IL1R1: variants seen among roughly 807,000 people sequenced by gnomAD.
IL1R1 encodes the protein interleukin 1 receptor type 1, also known as interleukin-1 receptor type 1.
In IL1R1, 22 loss-of-function variants were observed where a neutral mutation model predicts 50.2. The observed-to-expected ratio is 0.44, with a 90% CI of 0.31 to 0.63. The LOEUF (loss-of-function observed/expected upper bound fraction) is 0.63. IL1R1 is among the 20% of genes least tolerant of loss of function. The pLI, the probability that IL1R1 is intolerant of heterozygous loss-of-function variation, is 0.07. For missense variants in IL1R1, 509 were observed against 676.2 expected (o/e 0.75, Z 2.74); for synonymous variants, 251 against 236.7 (o/e 1.06, Z -0.55).
upstream of IL1R1, chr2:102,141,776 T>A (rs1168830628): frequency 6.6e-6 from 1 of 152,198 alleles, no homozygotes; most frequent in Non-Finnish European, 1.5e-5. Flanking sequence ...AAACTCTTCT[T>A]GGAGGATGGC....
intron 1 of IL1R1, among the ~76,000 whole-genome samples, chr2:102,085,233 AAT>A (rs1222140222): frequency 6.6e-6 from 1 of 152,184 alleles, no homozygotes; most frequent in African/African-American, 2.4e-5. Context: ...TTGATTTATC[AAT>A]AGTCTTTCTT....
Position 102,178,526 on chromosome 2 carries a change from C to T in IL1R1, c.*1767C>T, listed in dbSNP as rs1209156773. The T allele has an allele frequency of 6.6e-6, 1 of 152,210 alleles. No homozygotes were observed. Among genetic ancestry groups the T allele is most frequent in the Non-Finnish European group, 1.5e-5 (1 of 68,020 alleles). 9.4% of individuals were successfully genotyped at this position (152,210 alleles called of 1,614,324 possible). A position where few individuals can be genotyped will look rare whatever the true frequency, so the allele number is the denominator to read the frequency against. On this transcript the variant is annotated 3_prime_UTR_variant, in exon 12 of 12. Transcript: ENST00000410023. Reference sequence around the variant, plus strand: ...CTATTGAACCTAGGACTTGAGCCTCCATTTCTGGCTTCTAGTCTGGTGTTC... The same window carrying T: ...CTATTGAACCTAGGACTTGAGCCTCTATTTCTGGCTTCTAGTCTGGTGTTC...
intron 5 of IL1R1, among the ~76,000 whole-genome samples, chr2:102,165,600 C>A (rs540219690): frequency 6.6e-6 from 1 of 152,230 alleles, no homozygotes; most frequent in East Asian, 1.9e-4. Context: ...GAAGATGTAA[C>A]TATTTATTAC....
chr2:102,168,476 G>A (rs892618499), intron 6 of IL1R1, 122 bp from the exon 7 acceptor site: 5 of 799,226 alleles, frequency 6.3e-6, no homozygotes, highest in African/African-American at 5.1e-5. Flanking sequence ...TGGCATATGT[G>A]CTTTGAACAC....
At chr2:102,148,776 C>T (rs747134882) in intron 1 of IL1R1, among the ~76,000 whole-genome samples, 9 of 151,992 alleles carry the variant, frequency 5.9e-5, no homozygotes, top group Non-Finnish European at 1.3e-4. Context: ...TTTGTAAGTC[C>T]CTTTTACCTT....
At chr2:102,110,835 C>T (rs887391913) in intron 1 of IL1R1, among the ~76,000 whole-genome samples, 3 of 151,978 alleles carry the variant, frequency 2.0e-5, no homozygotes, top group South Asian at 2.1e-4. Context: ...GCTAGGCAGC[C>T]GCGGGAGTTG....
intron 2 of IL1R1, among the ~76,000 whole-genome samples, chr2:102,157,343 C>T (rs1035833744): frequency 6.6e-6 from 1 of 151,964 alleles, no homozygotes; most frequent in Non-Finnish European, 1.5e-5. Flanking sequence ...GGGAACCAAT[C>T]CCCACACAAG....
chr2:102,176,833 T>C lies in IL1R1; in HGVS notation c.*74T>C. ...TTGCAGGCCAGGTTATGCCTCATGC[T>C]GACTTGCAGAGTTCATGGAATGTAA... On this transcript the variant is annotated 3_prime_UTR_variant, in exon 12 of 12. Transcript: ENST00000410023. The C allele has an allele frequency of 7.3e-7, 1 of 1,371,824 alleles. No homozygotes were observed. The highest frequency in any genetic ancestry group is 1.0e-6 in the Non-Finnish European group (1 of 983,692). 85.0% of individuals were successfully genotyped at this position (1,371,824 alleles called of 1,614,324 possible). A position where few individuals can be genotyped will look rare whatever the true frequency, so the allele number is the denominator to read the frequency against.
At chr2:102,132,778 C>T (rs1465108060) in intron 1 of IL1R1, among the ~76,000 whole-genome samples, 2 of 151,978 alleles carry the variant, frequency 1.3e-5, no homozygotes, top group Non-Finnish European at 2.9e-5. Context: ...CTATACTACA[C>T]CACAAATAGT....
chr2:102,107,489 T>A (rs1170757510), intron 1 of IL1R1, among the ~76,000 whole-genome samples: 1 of 151,262 alleles, frequency 6.6e-6, no homozygotes, highest in Non-Finnish European at 1.5e-5. Flanking sequence ...CCGGGGCCTG[T>A]TGTGGGGTGG....
chr2:102,168,497 A>C, intron 6 of IL1R1, 101 bp from the exon 7 acceptor site: 1 of 901,284 alleles, frequency 1.1e-6, no homozygotes, highest in Non-Finnish European at 1.9e-6. Context: ...TTGATGGAAT[A>C]TCTGGCCAGA....
intron 1 of IL1R1, among the ~76,000 whole-genome samples, chr2:102,081,470 C>A (rs1454292859): frequency 2.0e-5 from 3 of 152,154 alleles, no homozygotes; most frequent in African/African-American, 7.2e-5. Flanking sequence ...TCAGGCATTG[C>A]TCTACAAATG....
At chr2:102,139,001 G>A (rs1480246224), upstream of IL1R1, among the ~76,000 whole-genome samples, 1 of 152,162 alleles carries the variant, frequency 6.6e-6, no homozygotes, top group East Asian at 1.9e-4. Flanking sequence ...CTCTCTGGGG[G>A]TAGTAACACA....
chr2:102,141,310 C>T (rs575857836), upstream of IL1R1, among the ~76,000 whole-genome samples: 5 of 152,234 alleles, frequency 3.3e-5, no homozygotes, highest in African/African-American at 4.8e-5. Flanking sequence ...GAGACTCTGA[C>T]GTGACTGATC....
chr2:102,074,208 G>T (rs1678861763), intron 1 of IL1R1, among the ~76,000 whole-genome samples: 1 of 152,192 alleles, frequency 6.6e-6, no homozygotes, highest in African/African-American at 2.4e-5. Context: ...CCCCAGTCCA[G>T]AAAACAACAA....
intron 1 of IL1R1, among the ~76,000 whole-genome samples, chr2:102,071,089 G>A (rs1233613945): frequency 6.6e-6 from 1 of 152,062 alleles, no homozygotes; most frequent in Admixed American, 6.5e-5. Context: ...ATCATTATGT[G>A]TTATATCATG....
In IL1R1 at chr2:102,164,903, C is replaced by G. The variant is rs760945361; in HGVS notation, c.191C>G (p.Thr64Arg). The change falls in exon 4 of 12, where the codon ACA becomes AGA. Residue 64 changes from threonine (T) to arginine (R), a missense_variant. Thr to Arg is a moderately conservative substitution (Grantham distance 71). Coordinates refer to ENST00000410023, the MANE Select transcript of IL1R1 (RefSeq NM_000877.4). ...TITWYKDDSK[T>R]PVSTEQASRI... ...ACTTGGTATAAAGATGACAGCAAGA[C>G]ACCTGTATCTACAGAACAAGCCTCC... is the stretch of plus-strand genomic sequence containing the variant. 6.2e-7 allele frequency: 1 copy of G among 1,613,966 alleles called. No individual in the cohort carries two copies. Among genetic ancestry groups the G allele is most frequent in the East Asian group, 2.2e-5 (1 of 44,868 alleles).
rs558779194 is a variant in IL1R1 at position 102,071,054 on chromosome 2, AC to A, written c.-84+522del. 1.1e-4 allele frequency among the ~76,000 whole-genome samples: 16 copies of A among 152,332 alleles called. No individual in the cohort carries two copies. The South Asian group carries it at 2.1e-3, about 20-fold the overall frequency. Reference sequence around the variant, plus strand: ...GTAAATTGATCTTATGTAAAAAAAAACACTAAGATATTTGAAGACTAGGCAT... The same window carrying A: ...GTAAATTGATCTTATGTAAAAAAAAAACTAAGATATTTGAAGACTAGGCAT... On this transcript the variant is annotated intron_variant, in intron 1 of 11. Transcript: ENST00000409929.
At chr2:102,091,796 C>T (rs1190308238) in intron 1 of IL1R1, among the ~76,000 whole-genome samples, 4 of 152,154 alleles carry the variant, frequency 2.6e-5, no homozygotes, top group Non-Finnish European at 5.9e-5. Context: ...ACAGCCTTCC[C>T]AGCCTCTACT....
Sources: allele counts gnomAD v4.1 joint callset (sites outside exome capture counted in the v4.1 genomes callset), GRCh38; gene constraint gnomAD v4.1.1; transcripts MANE v1.5; gene names NCBI Gene and HGNC (gene_info 2026-07-23, HGNC 2026-07-21).